CACNA1A: variants seen among roughly 807,000 people sequenced by gnomAD.
CACNA1A encodes calcium voltage-gated channel subunit alpha1 A.
A neutral mutation model predicts 262.4 loss-of-function variants in CACNA1A; 57 were observed. The observed-to-expected ratio is 0.22, with a 90% CI of 0.18 to 0.27. The LOEUF (loss-of-function observed/expected upper bound fraction) is 0.27, where lower values mean the gene tolerates loss of function less well. Among genes scored for constraint, CACNA1A ranks in the 10% least tolerant of loss-of-function variants. CACNA1A has a pLI of 1.00. For synonymous variants in CACNA1A, 1,431 were observed against 1,419.3 expected, an observed-to-expected ratio of 1.01 and a Z score of -0.18; for missense variants, 2,526 against 3,562.8, an observed-to-expected ratio of 0.71 and a Z score of 7.41.
intron 3 of CACNA1A, among the ~76,000 whole-genome samples, chr19:13,405,677 G>A (rs148905835): frequency 1.5e-4 from 23 of 152,278 alleles, no homozygotes; most frequent in Non-Finnish European, 3.2e-4. Context: ...AAACAAATGA[G>A]GCCCACAGAG....
At chr19:13,417,493 C>T (rs927459730) in intron 3 of CACNA1A, among the ~76,000 whole-genome samples, 2 of 152,140 alleles carry the variant, frequency 1.3e-5, no homozygotes, top group Non-Finnish European at 2.9e-5. Flanking sequence ...TCAAACCAGT[C>T]GTGGATTCTC....
At chr19:13,393,070 A>G (rs1293893191) in intron 3 of CACNA1A, among the ~76,000 whole-genome samples, 2 of 152,126 alleles carry the variant, frequency 1.3e-5, no homozygotes, top group Non-Finnish European at 2.9e-5. Flanking sequence ...TGCCCGGCCA[A>G]TTGTTAGGCA....
intron 3 of CACNA1A, among the ~76,000 whole-genome samples, chr19:13,424,367 C>T (rs761111570): frequency 3.9e-5 from 6 of 152,120 alleles, no homozygotes; most frequent in Non-Finnish European, 8.8e-5. Flanking sequence ...GAGACTCCGT[C>T]ACAAACAAAC....
intron 1 of CACNA1A, among the ~76,000 whole-genome samples, chr19:13,492,230 C>A (rs891321556): frequency 3.3e-5 from 5 of 152,084 alleles, no homozygotes; most frequent in African/African-American, 4.8e-5. Context: ...TTGCTCAATC[C>A]CTCAAAGACA....
Position 13,360,473 on chromosome 19 carries a change from AATT to A in CACNA1A, c.785-677_785-675del, listed in dbSNP as rs1157657710. ...TCCAAACACTTTGCCTTGCCACTAGAATTTTTTTTTTTTTTTTTTTTTGAGACG... is the reference window on the plus strand; with the variant it reads ...TCCAAACACTTTGCCTTGCCACTAGATTTTTTTTTTTTTTTTTTTGAGACG... On this transcript the variant is annotated intron_variant, in intron 5 of 46. Transcript: ENST00000360228. Among the ~76,000 whole-genome samples the A allele has an allele frequency of 3.6e-5, 5 of 138,424 alleles. No individual in the cohort carries two copies. In the East Asian group the frequency reaches 1.2e-3, roughly 33 times the overall value. The allele number at this position is 138,424 out of a possible 152,430, so 90.8% of individuals were successfully genotyped here. A position where few individuals can be genotyped will look rare whatever the true frequency, so the allele number is the denominator to read the frequency against.
At chr19:13,465,926 A>C (rs2061226210) in intron 1 of CACNA1A, among the ~76,000 whole-genome samples, 2 of 152,298 alleles carry the variant, frequency 1.3e-5, no homozygotes, top group South Asian at 4.1e-4. Context: ...GGGATATCTC[A>C]TCCTGTTGAC....
chr19:13,395,090 A>G (rs2059786014), intron 3 of CACNA1A, among the ~76,000 whole-genome samples: 1 of 151,662 alleles, frequency 6.6e-6, no homozygotes, highest in South Asian at 2.1e-4. Context: ...CCTGGCCAAC[A>G]TGGCAAAACA....
intron 38 of CACNA1A, among the ~76,000 whole-genome samples, chr19:13,220,279 T>C (rs2055174860): frequency 6.6e-6 from 1 of 150,438 alleles, no homozygotes; most frequent in Admixed American, 6.6e-5. Context: ...AAAAAAAATA[T>C]CAAGTCAGCT....
At chr19:13,394,537 G>C (rs2059776348) in intron 3 of CACNA1A, among the ~76,000 whole-genome samples, 1 of 152,148 alleles carries the variant, frequency 6.6e-6, no homozygotes, top group South Asian at 2.1e-4. Context: ...CTCAGCTTAA[G>C]AGGATACCTG....
chr19:13,235,689 A>G lies in CACNA1A; in HGVS notation c.4992T>C (p.Ala1664=). The part of the protein sequence containing the change: ...INLSFLRLFR[A]ARLIKLLRQG... The stretch of plus-strand genomic sequence containing the variant: ...GACGGAGAAGTTTGATGAGCCGGGC[A>G]GCTCGGAAGAGGCGGAGAAAGCTCA... The change falls in exon 32 of 47, where the codon GCT becomes GCC. Residue 1664 remains alanine (A), a synonymous_variant. Coordinates refer to ENST00000360228, the MANE Select transcript of CACNA1A (RefSeq NM_001127222.2). 1.2e-6 allele frequency: 2 copies of G among 1,613,990 alleles called. No individual in the cohort carries two copies. The highest frequency in any genetic ancestry group is 1.7e-6 in the Non-Finnish European group (2 of 1,179,862).
At chr19:13,471,282 C>T (rs1312894021) in intron 1 of CACNA1A, among the ~76,000 whole-genome samples, 1 of 152,174 alleles carries the variant, frequency 6.6e-6, no homozygotes, top group East Asian at 1.9e-4. Context: ...TTTTGGTGGA[C>T]AGGATTCAAA....
At chr19:13,294,640 A>G (rs1369305248) in intron 19 of CACNA1A, among the ~76,000 whole-genome samples, 7 of 151,540 alleles carry the variant, frequency 4.6e-5, no homozygotes, top group Admixed American at 3.9e-4. Flanking sequence ...GGCGTCCACC[A>G]CCACGCCTGG....
At chr19:13,494,270 T>C (rs1568705865) in intron 1 of CACNA1A, among the ~76,000 whole-genome samples, 1 of 152,204 alleles carries the variant, frequency 6.6e-6, no homozygotes, top group African/African-American at 2.4e-5. Flanking sequence ...TGAGAGAGTA[T>C]ACATATATTT....
rs759401764 is a variant in CACNA1A, at chr19:13,298,993, C to T, written c.2640G>A (p.Arg880=). The T allele has an allele frequency of 6.3e-7, 1 of 1,579,358 alleles. No homozygotes were observed. Among genetic ancestry groups the T allele is most frequent in the South Asian group, 1.1e-5 (1 of 88,762 alleles). ...DPSGSAGLDA[R]RPWAGSQEAE... ...CCTCCTGGCTTCCCGCCCAGGGCCT[C>T]CGTGCGTCCAGGCCCGCCGAGCCGC... The change falls in exon 19 of 47, where the codon CGG becomes CGA. Residue 880 remains arginine, a synonymous_variant. Transcript: ENST00000360228.
chr19:13,387,015 A>C (rs1292873946), intron 3 of CACNA1A, among the ~76,000 whole-genome samples: 1 of 151,792 alleles, frequency 6.6e-6, no homozygotes, highest in Non-Finnish European at 1.5e-5. Context: ...TCAGTGGTGC[A>C]ATCTGGGCTC....
chr19:13,407,160 C>T (rs1376935108), intron 3 of CACNA1A, among the ~76,000 whole-genome samples: 1 of 152,198 alleles, frequency 6.6e-6, no homozygotes, highest in Admixed American at 6.5e-5. Flanking sequence ...GCCTGACACA[C>T]AAAATGCACC....
chr19:13,321,370 T>C (rs944129724), intron 10 of CACNA1A, among the ~76,000 whole-genome samples: 1 of 152,086 alleles, frequency 6.6e-6, no homozygotes, highest in African/African-American at 2.4e-5. Context: ...GGAAGGGGTA[T>C]GTCACCGCCA....
At chr19:13,356,001 T>A (rs1176940895) in intron 6 of CACNA1A, among the ~76,000 whole-genome samples, 1 of 152,182 alleles carries the variant, frequency 6.6e-6, no homozygotes, top group African/African-American at 2.4e-5. Flanking sequence ...TAGGTTCACA[T>A]TAAGGCCAAA....
intron 1 of CACNA1A, among the ~76,000 whole-genome samples, chr19:13,497,524 ATATATAT>A: frequency 9.2e-4 from 1 of 1,086 alleles, no homozygotes; most frequent in Non-Finnish European, 1.4e-3. Flanking sequence ...AAAAAAAAAT[ATATATAT>A]ATATATATAT....
Sources: allele counts gnomAD v4.1 joint callset (sites outside exome capture counted in the v4.1 genomes callset), GRCh38; gene constraint gnomAD v4.1.1; transcripts MANE v1.5; gene names NCBI Gene and HGNC (gene_info 2026-07-23, HGNC 2026-07-21).